COL26A1: variants seen among roughly 807,000 people sequenced by gnomAD.
COL26A1 encodes collagen type XXVI alpha 1 chain.
In COL26A1, 41 loss-of-function variants were observed where a neutral mutation model predicts 59.3. The observed-to-expected ratio is 0.69, with a 90% CI of 0.54 to 0.90. The LOEUF (loss-of-function observed/expected upper bound fraction) is 0.90. Among genes scored for constraint, COL26A1 ranks in the 40% least tolerant of loss-of-function variants. COL26A1 has a pLI of 0.00. For missense variants in COL26A1, 612 were observed against 602.3 expected (o/e 1.02, Z -0.17); for synonymous variants, 266 against 256.0 (o/e 1.04, Z -0.37).
At chr7:101,408,679 C>A (rs1421105686) in intron 1 of COL26A1, among the ~76,000 whole-genome samples, 1 of 152,190 alleles carries the variant, frequency 6.6e-6, no homozygotes, top group Non-Finnish European at 1.5e-5. Context: ...TGGCAAGAAC[C>A]TCTACATCCC....
chr7:101,539,992 G>T lies in COL26A1; in HGVS notation c.547G>T (p.Asp183Tyr). ...GACCTGGAATGAGGACTTCCTCCCC[G>T]ACGCCATCCCTCTTGCTCACCCTGT... ...PPTWNEDFLP[D>Y]AIPLAHPVPR... The change falls in exon 5 of 13, where the codon GAC (aspartate) becomes TAC (tyrosine). Residue 183 changes from aspartate (D) to tyrosine (Y), a missense_variant. Asp to Tyr is a radical substitution (Grantham distance 160). Transcript: ENST00000313669. 1 of 1,613,198 alleles carries T rather than the reference G, an allele frequency of 6.2e-7. No individual in the cohort carries two copies. The highest frequency in any genetic ancestry group is 8.5e-7 in the Non-Finnish European group (1 of 1,179,732).
intron 1 of COL26A1, among the ~76,000 whole-genome samples, chr7:101,364,516 G>A (rs1790994403): frequency 2.6e-5 from 4 of 150,960 alleles, no homozygotes; most frequent in African/African-American, 4.9e-5. Context: ...AGAAACAGAG[G>A]CTCAGGATTT....
intron 3 of COL26A1, among the ~76,000 whole-genome samples, chr7:101,501,069 C>T (rs1217142888): frequency 6.6e-6 from 1 of 151,354 alleles, no homozygotes; most frequent in African/African-American, 2.4e-5. Context: ...GCCTGTAATC[C>T]CAGCTACTAG....
rs1794370959 is a variant in COL26A1, at chr7:101,489,737, CTCTCTTTCTTTCTT to C, written c.385+41951_385+41964del. ...TCATTCTTTCTTTCTCTCTCTCTTT[CTCTCTTTCTTTCTT>C]GTCTCTCTTTCTTTCTTTCTTTCTT... On this transcript the variant is annotated intron_variant, in intron 3 of 12. Transcript: ENST00000313669. 1.2e-4 allele frequency among the ~76,000 whole-genome samples: 11 copies of C among 94,420 alleles called. 1 individual carries two copies. The highest frequency in any genetic ancestry group is 1.0e-3 in the South Asian group (3 of 2,866). The allele number at this position is 94,420 out of a possible 152,430, so 61.9% of individuals were successfully genotyped here. A position where few individuals can be genotyped will look rare whatever the true frequency, so the allele number is the denominator to read the frequency against.
At chr7:101,491,363 G>T (rs575865525) in intron 3 of COL26A1, among the ~76,000 whole-genome samples, 1 of 152,228 alleles carries the variant, frequency 6.6e-6, no homozygotes, top group African/African-American at 2.4e-5. Context: ...CACACCATTG[G>T]TGGCCATCCC....
chr7:101,402,039 C>A (rs936131261), intron 1 of COL26A1, among the ~76,000 whole-genome samples: 3 of 152,106 alleles, frequency 2.0e-5, no homozygotes, highest in African/African-American at 7.2e-5. Flanking sequence ...TTTCATTCTC[C>A]CCTGGATTCG....
chr7:101,489,388 A>G (rs10281764), intron 3 of COL26A1, among the ~76,000 whole-genome samples: 20,315 of 152,204 alleles, frequency 0.13, 2,211 homozygotes, highest in African/African-American at 0.3. Flanking sequence ...CAGCCTGACC[A>G]GAGCTGCAAG....
At chr7:101,458,586 G>A (rs1212868180) in intron 3 of COL26A1, among the ~76,000 whole-genome samples, 1 of 151,896 alleles carries the variant, frequency 6.6e-6, no homozygotes, top group African/African-American at 2.4e-5. Context: ...ATCTAAGTGA[G>A]CCAAGTGAGC....
At chr7:101,421,714 A>G (rs532054647) in intron 2 of COL26A1, among the ~76,000 whole-genome samples, 1 of 151,612 alleles carries the variant, frequency 6.6e-6, no homozygotes, top group South Asian at 2.1e-4. Flanking sequence ...TCGCTTGCTT[A>G]TGATGGTATC....
intron 2 of COL26A1, among the ~76,000 whole-genome samples, chr7:101,426,718 G>A (rs1471329315): frequency 6.6e-6 from 1 of 152,186 alleles, no homozygotes; most frequent in African/African-American, 2.4e-5. Context: ...GAGGTTTGCA[G>A]GGGAAGGTCC....
chr7:101,482,217 A>G (rs1410637915), intron 3 of COL26A1, among the ~76,000 whole-genome samples: 4 of 152,196 alleles, frequency 2.6e-5, no homozygotes, highest in African/African-American at 4.8e-5. Context: ...CATGCTGGCC[A>G]GGCTGGTCTC....
chr7:101,401,900 G>A (rs543825528), intron 1 of COL26A1, among the ~76,000 whole-genome samples: 5 of 152,202 alleles, frequency 3.3e-5, no homozygotes, highest in South Asian at 2.1e-4. Flanking sequence ...TCGAAGCCAC[G>A]TTTCCTCTCT....
intron 2 of COL26A1, among the ~76,000 whole-genome samples, chr7:101,423,285 A>G (rs1462906860): frequency 1.3e-5 from 2 of 151,882 alleles, no homozygotes; most frequent in Non-Finnish European, 2.9e-5. Flanking sequence ...ACCAAACAAA[A>G]AAAAAGAAAA....
chr7:101,512,985 C>CT (rs1291021909), intron 3 of COL26A1, among the ~76,000 whole-genome samples: 1 of 143,600 alleles, frequency 7.0e-6, no homozygotes, highest in Non-Finnish European at 1.5e-5. Context: ...AAAAGCCTCC[C>CT]TTTTTACAAT....
intron 3 of COL26A1, among the ~76,000 whole-genome samples, chr7:101,497,875 T>C (rs1378448631): frequency 2.0e-5 from 3 of 152,246 alleles, no homozygotes; most frequent in South Asian, 2.1e-4. Context: ...TCCCAGCTAC[T>C]TGGGAGGCTG....
chr7:101,412,136 C>T (rs986175072), intron 1 of COL26A1, among the ~76,000 whole-genome samples: 20 of 152,058 alleles, frequency 1.3e-4, no homozygotes, highest in Non-Finnish European at 2.5e-4. Flanking sequence ...AGGGGCAGAG[C>T]TTGGACACCA....
At chr7:101,519,215 C>A (rs1396338934) in intron 3 of COL26A1, among the ~76,000 whole-genome samples, 1 of 152,206 alleles carries the variant, frequency 6.6e-6, no homozygotes, top group Non-Finnish European at 1.5e-5. Context: ...AATGCTCATG[C>A]ACCTTTTTGG....
intron 3 of COL26A1, among the ~76,000 whole-genome samples, chr7:101,468,529 C>T (rs1793818566): frequency 6.6e-6 from 1 of 152,112 alleles, no homozygotes. Flanking sequence ...GGCAGGGCTC[C>T]GTGCCGCCAA....
intron 3 of COL26A1, among the ~76,000 whole-genome samples, chr7:101,530,842 T>C (rs66887263): frequency 0.29 from 44,116 of 152,030 alleles, 7,074 homozygotes; most frequent in African/African-American, 0.44. Context: ...GGCTGGCTGG[T>C]GCACCTGGCT....
Sources: allele counts gnomAD v4.1 joint callset (sites outside exome capture counted in the v4.1 genomes callset), GRCh38; gene constraint gnomAD v4.1.1; transcripts MANE v1.5; gene names NCBI Gene and HGNC (gene_info 2026-07-23, HGNC 2026-07-21).